Variants in ALKAL1 observed in about 807,000 individuals in gnomAD.
ALKAL1 encodes the protein ALK and LTK ligand 1.
In ALKAL1, 23 loss-of-function variants were observed where a neutral mutation model predicts 13.5. The observed-to-expected ratio is 1.70, with a 90% CI of 1.23 to 2.41. ALKAL1 has a LOEUF of 2.41. ALKAL1 is among the 30% of genes most tolerant of loss of function. The pLI is 0.00. For synonymous variants in ALKAL1, 85 were observed against 77.7 expected, an observed-to-expected ratio of 1.09 and a Z score of -0.49; for missense variants, 181 against 178.4, an observed-to-expected ratio of 1.01 and a Z score of -0.08.
In ALKAL1 at chr8:52,542,453, G is replaced by GAA; in HGVS notation, c.191-10_191-9dup. The GAA allele has an allele frequency of 3.3e-5, 45 of 1,345,064 alleles. No individual in the cohort carries two copies. Among genetic ancestry groups the GAA allele is most frequent in the South Asian group, 6.9e-5 (5 of 72,674 alleles). The allele number at this position is 1,345,064 out of a possible 1,614,324, so 83.3% of individuals were successfully genotyped here. A position where few individuals can be genotyped will look rare whatever the true frequency, so the allele number is the denominator to read the frequency against. ...AGTCTCTTGGGAATATTTCTGAAAAGAAAAAAAAAACCATCAGAATTTATT... is the reference window on the plus strand; with the variant it reads ...AGTCTCTTGGGAATATTTCTGAAAAGAAAAAAAAAAAACCATCAGAATTTATT... On this transcript the variant is annotated splice_polypyrimidine_tract_variant and intron_variant, in intron 1 of 4. Coordinates refer to ENST00000358543, the MANE Select transcript of ALKAL1 (RefSeq NM_207413.4).
intron 1 of ALKAL1, among the ~76,000 whole-genome samples, chr8:52,562,327 C>G (rs912819274): frequency 6.6e-6 from 1 of 152,146 alleles, no homozygotes; most frequent in African/African-American, 2.4e-5. Context: ...CGAGAGACAT[C>G]GCAGGCAGGA....
At chr8:52,539,340 A>G (rs2150343649) in intron 3 of ALKAL1, among the ~76,000 whole-genome samples, 1 of 152,316 alleles carries the variant, frequency 6.6e-6, no homozygotes, top group African/African-American at 2.4e-5. Flanking sequence ...ATTATTATTA[A>G]CTTCAGTAAC....
At chr8:52,536,321 G>T (rs1027332398) in intron 4 of ALKAL1, among the ~76,000 whole-genome samples, 12 of 152,066 alleles carry the variant, frequency 7.9e-5, no homozygotes, top group Non-Finnish European at 1.2e-4. Flanking sequence ...CTGAAATGCT[G>T]ACCCAAAAAA....
intron 1 of ALKAL1, among the ~76,000 whole-genome samples, chr8:52,560,429 C>T (rs186325209): frequency 8.5e-5 from 13 of 152,278 alleles, no homozygotes; most frequent in Non-Finnish European, 1.3e-4. Flanking sequence ...CACCTGGCCA[C>T]GTTTTTCTAT....
At chr8:52,536,868 T>C (rs1207028713) in intron 4 of ALKAL1, among the ~76,000 whole-genome samples, 5 of 152,236 alleles carry the variant, frequency 3.3e-5, no homozygotes, top group Non-Finnish European at 7.3e-5. Flanking sequence ...CAATCACTGT[T>C]GAGGATATTT....
chr8:52,564,875 A>G (rs566036401), intron 1 of ALKAL1, among the ~76,000 whole-genome samples, 192 bp downstream of exon 1: 1 of 152,170 alleles, frequency 6.6e-6, no homozygotes, highest in Non-Finnish European at 1.5e-5. Flanking sequence ...GGATTTCTTT[A>G]CTTAACTCTC....
At chr8:52,539,013 A>G (rs1847288880) in intron 3 of ALKAL1, among the ~76,000 whole-genome samples, 2 of 152,084 alleles carry the variant, frequency 1.3e-5, no homozygotes, top group African/African-American at 2.4e-5. Flanking sequence ...GCTGGTCTCA[A>G]ACGCCTGAGC....
At chr8:52,534,641 T>C in intron 4 of ALKAL1, 41 bp from the exon 5 acceptor site, 1 of 568,358 alleles carries the variant, frequency 1.8e-6, no homozygotes, top group East Asian at 3.1e-5. Context: ...TATGACCTGG[T>C]TTTTAGAATA....
chr8:52,539,700 C>A (rs1484087846), intron 3 of ALKAL1, 131 bp downstream of exon 3: 5 of 674,358 alleles, frequency 7.4e-6, no homozygotes, highest in African/African-American at 3.6e-5. Context: ...TGTCAGTGTT[C>A]TAAATCAGTG....
chr8:52,554,845 C>T (rs1563322768), intron 1 of ALKAL1, among the ~76,000 whole-genome samples: 1 of 152,200 alleles, frequency 6.6e-6, no homozygotes, highest in Non-Finnish European at 1.5e-5. Context: ...GATGGGTCAA[C>T]TGCAGCAAAG....
chr8:52,559,424 G>A (rs747468607), intron 1 of ALKAL1, among the ~76,000 whole-genome samples: 1 of 152,112 alleles, frequency 6.6e-6, no homozygotes, highest in Admixed American at 6.5e-5. Flanking sequence ...AGGGCAGATA[G>A]AAACCATCTC....
intron 1 of ALKAL1, among the ~76,000 whole-genome samples, chr8:52,546,738 C>T (rs143948804): frequency 1.5e-3 from 230 of 152,324 alleles, no homozygotes; most frequent in African/African-American, 4.2e-3. Context: ...GCAGTAAGGA[C>T]AAACCAAATG....
At chr8:52,539,692 T>C in intron 3 of ALKAL1, 139 bp downstream of exon 3, 1 of 630,946 alleles carries the variant, frequency 1.6e-6, no homozygotes, top group Non-Finnish European at 2.7e-6. Flanking sequence ...TTAGGTTCTG[T>C]CAGTGTTCTA....
intron 1 of ALKAL1, among the ~76,000 whole-genome samples, chr8:52,559,836 T>C (rs1438998033): frequency 6.6e-6 from 1 of 152,210 alleles, no homozygotes; most frequent in Non-Finnish European, 1.5e-5. Flanking sequence ...ATTTTAATTC[T>C]ATATGTCCAC....
rs1340414218 is a variant in ALKAL1 at position 52,565,141 on chromosome 8, T to G, written c.116A>C (p.Asp39Ala). Residue 39 changes from aspartate (D) to alanine (A), a missense_variant, in exon 1 of 5, where the codon GAT becomes GCT. Physicochemically the swap from Asp to Ala is moderately radical, Grantham distance 126. Transcript: ENST00000358543. The part of the protein sequence containing the change: ...PRGRRGARVT[D>A]KEPKPLLFLP... ...GAAAAGCAACGGCTTGGGCTCCTTA[T>G]CCGTGACGCGCGCTCCCCTGCGCCC... is the stretch of plus-strand genomic sequence containing the variant. 1 of 1,407,820 alleles carries G rather than the reference T, an allele frequency of 7.1e-7. No homozygotes were observed. Among genetic ancestry groups the G allele is most frequent in the Non-Finnish European group, 9.3e-7 (1 of 1,073,450 alleles). The allele number at this position is 1,407,820 out of a possible 1,614,324, so 87.2% of individuals were successfully genotyped here.
chr8:52,557,469 A>G (rs1367367111), intron 1 of ALKAL1, among the ~76,000 whole-genome samples: 1 of 152,238 alleles, frequency 6.6e-6, no homozygotes, highest in Non-Finnish European at 1.5e-5. Context: ...AACTTTTTAC[A>G]AAACTATCAG....
At chr8:52,539,348 A>C (rs1012319290) in intron 3 of ALKAL1, among the ~76,000 whole-genome samples, 4 of 152,196 alleles carry the variant, frequency 2.6e-5, no homozygotes, top group Non-Finnish European at 4.4e-5. Flanking sequence ...TAACTTCAGT[A>C]ACTTAAGTAT....
rs1847547297 is a variant in ALKAL1 at position 52,561,218 on chromosome 8, G to A, written c.190+3849C>T. 2.0e-5 allele frequency among the ~76,000 whole-genome samples: 3 copies of A among 152,172 alleles called. No individual in the cohort carries two copies. The South Asian group carries it at 6.2e-4, about 32-fold the overall frequency. Reference sequence around the variant, plus strand: ...ATATAATAGCCACAGACTTGCAATAGAGAGAATTTGGGCTGTACAAATAAA... The same window carrying A: ...ATATAATAGCCACAGACTTGCAATAAAGAGAATTTGGGCTGTACAAATAAA... On this transcript the variant is annotated intron_variant, in intron 1 of 4. Coordinates refer to ENST00000358543, the MANE Select transcript of ALKAL1 (RefSeq NM_207413.4).
chr8:52,537,353 C>A (rs932320566), intron 4 of ALKAL1, among the ~76,000 whole-genome samples: 2 of 152,026 alleles, frequency 1.3e-5, no homozygotes, highest in African/African-American at 4.8e-5. Context: ...AAAAAGGAAC[C>A]TTTATATACT....
Sources: allele counts gnomAD v4.1 joint callset (sites outside exome capture counted in the v4.1 genomes callset), GRCh38; gene constraint gnomAD v4.1.1; transcripts MANE v1.5; gene names NCBI Gene and HGNC (gene_info 2026-07-23, HGNC 2026-07-21).